Variants in LINGO2 observed in about 807,000 individuals in gnomAD.
LINGO2 encodes the protein leucine rich repeat and Ig domain containing 2.
LINGO2 carries 14 observed loss-of-function variants against 30.6 expected under a neutral mutation model. That is an observed-to-expected ratio of 0.46 (90% CI 0.30 to 0.72). The LOEUF is 0.72. LINGO2 is among the 30% of genes least tolerant of loss of function. The pLI is 0.07. For synonymous variants in LINGO2, 317 were observed against 288.5 expected (o/e 1.10, Z -1.00); for missense variants, 729 against 751.7 (o/e 0.97, Z 0.35).
chr9:28,905,498 A>G, the LINGO2 span, among the ~76,000 whole-genome samples: 2 of 152,046 alleles, frequency 1.3e-5, no homozygotes, highest in African/African-American at 2.4e-5. Flanking sequence ...TACACAAATA[A>G]TTGTCAAAAG....
chr9:29,102,513 T>C, the LINGO2 span, among the ~76,000 whole-genome samples: 2 of 152,232 alleles, frequency 1.3e-5, no homozygotes, highest in Non-Finnish European at 2.9e-5. Context: ...AGAATTTGTA[T>C]TCCTTCAAAA....
intron 1 of LINGO2, among the ~76,000 whole-genome samples, chr9:28,541,404 C>T (rs1821690753): frequency 6.6e-6 from 1 of 152,142 alleles, no homozygotes; most frequent in African/African-American, 2.4e-5. Flanking sequence ...ATGAGGATGA[C>T]TGATGTAATT....
In LINGO2 at chr9:28,621,155, C is replaced by G. The variant is rs573443666; in HGVS notation, c.-365+49045G>C. Among the ~76,000 whole-genome samples, 26 of 151,824 alleles carry G rather than the reference C, an allele frequency of 1.7e-4. No individual in the cohort carries two copies. In the South Asian group the frequency reaches 5.2e-3, roughly 30 times the overall value. On this transcript the variant is annotated intron_variant, in intron 1 of 5. Coordinates refer to ENST00000379992, the Ensembl canonical transcript of LINGO2. Reference sequence around the variant, plus strand: ...ATACGACAATGCTCAAAACAAACATCCTACATAAAAACAATTTTAAACTAT... The same window carrying G: ...ATACGACAATGCTCAAAACAAACATGCTACATAAAAACAATTTTAAACTAT...
At chr9:28,030,671 GTGAC>G (rs546086039) in intron 4 of LINGO2, among the ~76,000 whole-genome samples, 101 of 152,310 alleles carry the variant, frequency 6.6e-4, no homozygotes, top group African/African-American at 2.3e-3. Flanking sequence ...TTCAGTTTGA[GTGAC>G]TGAGTTACTC....
chr9:28,182,417 G>C (rs1327909793), intron 4 of LINGO2, among the ~76,000 whole-genome samples: 3 of 152,180 alleles, frequency 2.0e-5, no homozygotes, highest in Non-Finnish European at 4.4e-5. Flanking sequence ...AACACTTCAT[G>C]ATGAAAATGC....
chr9:27,966,370 C>T (rs1239371043), intron 5 of LINGO2, among the ~76,000 whole-genome samples: 1 of 152,140 alleles, frequency 6.6e-6, no homozygotes, highest in East Asian at 1.9e-4. Flanking sequence ...TCAATATACA[C>T]CACGGAATAC....
intron 1 of LINGO2, among the ~76,000 whole-genome samples, chr9:28,640,695 C>T (rs1827531289): frequency 6.6e-6 from 1 of 152,008 alleles, no homozygotes; most frequent in Non-Finnish European, 1.5e-5. Context: ...TTAAGGACTT[C>T]TCTGCATTGG....
chr9:28,984,759 C>T, the LINGO2 span, among the ~76,000 whole-genome samples: 9 of 152,022 alleles, frequency 5.9e-5, no homozygotes, highest in Non-Finnish European at 1.2e-4. Context: ...TTTTTAATTA[C>T]ATATTCACGG....
intron 1 of LINGO2, among the ~76,000 whole-genome samples, chr9:28,646,848 T>C (rs823768): frequency 1 from 152,164 of 152,246 alleles, 76,041 homozygotes; most frequent in Non-Finnish European, 1. Context: ...ATTCTAATCA[T>C]TAGAAAGAAT....
chr9:29,179,158 AATATATATAT>A, the LINGO2 span, among the ~76,000 whole-genome samples: 6,434 of 101,422 alleles, frequency 0.063, 214 homozygotes, highest in South Asian at 0.13. Context: ...TCTTACTGTA[AATATATATAT>A]ATATATATAT....
At chr9:28,936,407 CA>C in the LINGO2 span, among the ~76,000 whole-genome samples, 1 of 152,172 alleles carries the variant, frequency 6.6e-6, no homozygotes. Context: ...ATTCCTGACT[CA>C]AATGGATACA....
chr9:28,745,372 A>G, the LINGO2 span, among the ~76,000 whole-genome samples: 11 of 152,094 alleles, frequency 7.2e-5, no homozygotes, highest in South Asian at 2.3e-3. Context: ...TGATTGTTCC[A>G]GTGGTGGCAG....
the LINGO2 span, among the ~76,000 whole-genome samples, chr9:28,736,303 C>T: frequency 4.5e-3 from 691 of 152,184 alleles, 4 homozygotes; most frequent in Non-Finnish European, 6.7e-3. Context: ...CAGTCTTTTG[C>T]CTGGGTCAGC....
intron 4 of LINGO2, among the ~76,000 whole-genome samples, chr9:28,228,226 C>A (rs1474157142): frequency 1.3e-5 from 2 of 151,834 alleles, no homozygotes; most frequent in African/African-American, 4.8e-5. Flanking sequence ...AGGTAGGCAC[C>A]AAATCACTGC....
the LINGO2 span, among the ~76,000 whole-genome samples, chr9:28,874,914 T>A: frequency 6.6e-6 from 1 of 152,224 alleles, no homozygotes; most frequent in Non-Finnish European, 1.5e-5. Flanking sequence ...GGTCCTTGTT[T>A]CTGAGAAAGG....
exon 6 of LINGO2, chr9:27,950,004 C>G (rs1432766625): frequency 6.2e-7 from 1 of 1,614,044 alleles, no homozygotes; most frequent in East Asian, 2.2e-5. Flanking sequence ...GTGGAACAAT[C>G]TTTTAAAGGC....
chr9:29,088,868 A>G, the LINGO2 span, among the ~76,000 whole-genome samples: 1 of 152,178 alleles, frequency 6.6e-6, no homozygotes, highest in Non-Finnish European at 1.5e-5. Flanking sequence ...GTTTCTATCA[A>G]CAATATTAAC....
chr9:28,308,094 T>C (rs1279789430), intron 3 of LINGO2, among the ~76,000 whole-genome samples: 1 of 143,106 alleles, frequency 7.0e-6, no homozygotes, highest in Non-Finnish European at 1.6e-5. Context: ...AAAGTTCATA[T>C]GGAACCAAAA....
the LINGO2 span, among the ~76,000 whole-genome samples, chr9:28,753,368 T>C: frequency 6.6e-6 from 1 of 152,180 alleles, no homozygotes; most frequent in African/African-American, 2.4e-5. Context: ...AACTCTGACC[T>C]CCTCACTGAG....
Sources: allele counts gnomAD v4.1 joint callset (sites outside exome capture counted in the v4.1 genomes callset), GRCh38; gene constraint gnomAD v4.1.1; transcripts MANE v1.5; gene names NCBI Gene and HGNC (gene_info 2026-07-23, HGNC 2026-07-21).